Variants in SNTB1 observed in about 807,000 individuals in gnomAD.
SNTB1 encodes the protein beta-1-syntrophin.
In SNTB1, 36 loss-of-function variants were observed where a neutral mutation model predicts 48.9. That is an observed-to-expected ratio of 0.74 (90% CI 0.56 to 0.97). The LOEUF is 0.97. Among genes scored for constraint, SNTB1 ranks in the 50% least tolerant of loss-of-function variants. The pLI is 0.00. For missense variants in SNTB1, 786 were observed against 703.4 expected, an observed-to-expected ratio of 1.12 and a Z score of -1.33; for synonymous variants, 299 against 294.6, an observed-to-expected ratio of 1.01 and a Z score of -0.15.
At chr8:120,700,156 C>CGTGTGTGTGTGTGTGTGTGT (rs58077307) in intron 1 of SNTB1, among the ~76,000 whole-genome samples, 7 of 149,276 alleles carry the variant, frequency 4.7e-5, no homozygotes, top group African/African-American at 1.7e-4. Flanking sequence ...AAAAAAATTG[C>CGTGTGTGTGTGTGTGTGTGT]GTGTGTGTGT....
intron 5 of SNTB1, among the ~76,000 whole-genome samples, chr8:120,546,262 C>T (rs80295827): frequency 0.043 from 6,560 of 152,208 alleles, 281 homozygotes; most frequent in African/African-American, 0.11. Flanking sequence ...AGAGGTTGGC[C>T]TTAGAGCTCA....
intron 3 of SNTB1, among the ~76,000 whole-genome samples, chr8:120,620,210 G>C (rs140388018): frequency 7.9e-5 from 12 of 152,318 alleles, no homozygotes; most frequent in Non-Finnish European, 1.5e-4. Context: ...ATGCAAGCTA[G>C]AGAGCTGACT....
rs764002905 is a variant in SNTB1, at chr8:120,811,253, G to A, written c.571+20C>T. On this transcript the variant is annotated intron_variant, in intron 1 of 6. Transcript: ENST00000517992. ...GGTGTGTGCGCGCCCGGCGCGGCCCGCGCGCTGTTAACCCCTTACCTTCCA... is the reference window on the plus strand; with the variant it reads ...GGTGTGTGCGCGCCCGGCGCGGCCCACGCGCTGTTAACCCCTTACCTTCCA... 5.1e-6 allele frequency: 8 copies of A among 1,558,670 alleles called. No homozygotes were observed. The Admixed American group carries it at 1.5e-4, about 29-fold the overall frequency.
intron 2 of SNTB1, among the ~76,000 whole-genome samples, chr8:120,648,689 A>G (rs1040856056): frequency 1.3e-5 from 2 of 151,554 alleles, no homozygotes; most frequent in African/African-American, 4.8e-5. Flanking sequence ...CGTTGTCTGT[A>G]TTTCCTGAAT....
At chr8:120,618,954 G>A (rs1039974419) in intron 3 of SNTB1, among the ~76,000 whole-genome samples, 1 of 152,040 alleles carries the variant, frequency 6.6e-6, no homozygotes, top group African/African-American at 2.4e-5. Context: ...ATAATAACTA[G>A]CAATTATGTT....
At chr8:120,743,147 T>C (rs960283708) in intron 1 of SNTB1, among the ~76,000 whole-genome samples, 3 of 152,152 alleles carry the variant, frequency 2.0e-5, no homozygotes, top group African/African-American at 7.2e-5. Flanking sequence ...CAGAAATTCT[T>C]CTTTATGGGT....
At chr8:120,638,140 T>G (rs1174394184) in intron 2 of SNTB1, 1 of 152,460 alleles carries the variant, frequency 6.6e-6, no homozygotes, top group African/African-American at 2.4e-5. Context: ...AGGAATCTCC[T>G]GTCAAATAGC....
intron 2 of SNTB1, among the ~76,000 whole-genome samples, chr8:120,687,356 C>T (rs184884390): frequency 3.1e-4 from 47 of 152,290 alleles, no homozygotes; most frequent in African/African-American, 1.1e-3. Flanking sequence ...GTTTCGTACT[C>T]ACAGGAAGAA....
chr8:120,673,628 CTA>C (rs1282315496), intron 2 of SNTB1, among the ~76,000 whole-genome samples: 1 of 151,950 alleles, frequency 6.6e-6, no homozygotes, highest in Non-Finnish European at 1.5e-5. Flanking sequence ...TCTGCTTGGG[CTA>C]TGATGGACAA....
intron 2 of SNTB1, among the ~76,000 whole-genome samples, chr8:120,680,658 A>G (rs1817915614): frequency 6.6e-6 from 1 of 152,226 alleles, no homozygotes; most frequent in Non-Finnish European, 1.5e-5. Flanking sequence ...CTGCTTGAAT[A>G]GAGGATGCCT....
chr8:120,539,037 A>T, intron 6 of SNTB1, 68 bp from the exon 7 acceptor site: 2 of 1,177,308 alleles, frequency 1.7e-6, no homozygotes, highest in Non-Finnish European at 2.4e-6. Flanking sequence ...GGTGATTTGC[A>T]CATCAAACGA....
rs1818607385 is a variant in SNTB1, at chr8:120,718,895, T to C, written c.572-24987A>G. Among the ~76,000 whole-genome samples, 6 of 152,198 alleles carry C rather than the reference T, an allele frequency of 3.9e-5. No homozygotes were observed. In the South Asian group the frequency reaches 1.2e-3, roughly 32 times the overall value. ...ACACACAAAAAGGAAAGATGCTGTC[T>C]CTTGGCTTGACTTGGTAGGTTCAGA... is the stretch of plus-strand genomic sequence containing the variant. On this transcript the variant is annotated intron_variant, in intron 1 of 6. Coordinates refer to ENST00000517992, the MANE Select transcript of SNTB1 (RefSeq NM_021021.4).
At chr8:120,553,555 T>C (rs946571637) in intron 4 of SNTB1, among the ~76,000 whole-genome samples, 2 of 152,188 alleles carry the variant, frequency 1.3e-5, no homozygotes, top group African/African-American at 4.8e-5. Flanking sequence ...ATAAGTACTA[T>C]GTGTAAATGT....
At chr8:120,724,228 C>T (rs1475304714) in intron 1 of SNTB1, among the ~76,000 whole-genome samples, 1 of 152,168 alleles carries the variant, frequency 6.6e-6, no homozygotes, top group Admixed American at 6.5e-5. Flanking sequence ...TATGGCCAGT[C>T]CCAGCTCTTG....
chr8:120,561,319 CAAAAAAAA>C (rs1221884195), intron 4 of SNTB1, among the ~76,000 whole-genome samples: 1 of 45,670 alleles, frequency 2.2e-5, no homozygotes, highest in Admixed American at 2.9e-4. Flanking sequence ...AACTCCATCT[CAAAAAAAA>C]AAAAAAAAAA....
intron 1 of SNTB1, among the ~76,000 whole-genome samples, chr8:120,802,873 T>C (rs191816905): frequency 2.2e-4 from 34 of 152,182 alleles, no homozygotes; most frequent in Admixed American, 5.2e-4. Flanking sequence ...AATTTACTGA[T>C]TAAGAAATTG....
chr8:120,567,981 G>A lies in SNTB1; in HGVS notation c.1136+7105C>T, dbSNP rs1815780830. 2.0e-5 allele frequency among the ~76,000 whole-genome samples: 3 copies of A among 152,158 alleles called. No individual in the cohort carries two copies. In the South Asian group the frequency reaches 6.2e-4, roughly 32 times the overall value. On this transcript the variant is annotated intron_variant, in intron 4 of 6. Transcript: ENST00000517992. Reference sequence around the variant, plus strand: ...TACTAGACAGATTACATACTTATGTGGTCATATATAAAGGACACGGTGCTG... The same window carrying A: ...TACTAGACAGATTACATACTTATGTAGTCATATATAAAGGACACGGTGCTG...
chr8:120,731,962 G>C (rs951180560), intron 1 of SNTB1, among the ~76,000 whole-genome samples: 2 of 152,248 alleles, frequency 1.3e-5, no homozygotes, highest in African/African-American at 4.8e-5. Context: ...AATGGGGGTA[G>C]TGTATAAGCA....
intron 2 of SNTB1, among the ~76,000 whole-genome samples, chr8:120,675,250 G>A (rs73319302): frequency 0.039 from 5,898 of 152,134 alleles, 370 homozygotes; most frequent in African/African-American, 0.13. Flanking sequence ...GGAAGAGAAA[G>A]AAAAAATTTC....
Sources: gnomAD v4.1 joint callset for allele counts (sites outside exome capture counted in the v4.1 genomes callset) on GRCh38, gnomAD v4.1.1 for gene constraint, MANE v1.5 for transcripts, NCBI Gene and HGNC (gene_info 2026-07-23, HGNC 2026-07-21) for gene names.